The following ADGRB1 variants were observed in gnomAD, a reference collection of about 807,000 sequenced individuals.
The protein encoded by ADGRB1 is brain-specific angiogenesis inhibitor 1.
ADGRB1 carries 36 observed loss-of-function variants against 175.7 expected under a neutral mutation model. The observed-to-expected ratio is 0.20, with a 90% CI of 0.16 to 0.27. ADGRB1 has a LOEUF of 0.27. ADGRB1 is among the 10% of genes least tolerant of loss of function. The pLI is 1.00. For synonymous variants in ADGRB1, 1,054 were observed against 979.4 expected (o/e 1.08, Z -1.42); for missense variants, 1,731 against 2,255.3 (o/e 0.77, Z 4.71).
At position 142,533,352 on chromosome 8, in the gene ADGRB1, G is replaced by A. The variant is rs571932414; in HGVS notation, c.3456G>A (p.Ser1152=). ...VLPLLALTWM[S]AVLAVTDRRS... is the part of the protein sequence containing the mutation. Reference sequence around the variant, plus strand: ...CGCTGCTGGCGCTGACCTGGATGTCGGCTGTGCTCGCCGTCACCGACCGCC... The same window carrying A: ...CGCTGCTGGCGCTGACCTGGATGTCAGCTGTGCTCGCCGTCACCGACCGCC... Residue 1152 remains serine, a synonymous_variant, in exon 25 of 31, where the codon TCG becomes TCA. Coordinates refer to ENST00000517894, the MANE Select transcript of ADGRB1 (RefSeq NM_001702.3). 1.6e-5 allele frequency: 25 copies of A among 1,597,098 alleles called. No individual in the cohort carries two copies. The highest frequency in any genetic ancestry group is 1.4e-4 in the East Asian group (6 of 44,306).
chr8:142,491,226 G>T (rs921492180), intron 17 of ADGRB1, among the ~76,000 whole-genome samples: 4 of 152,264 alleles, frequency 2.6e-5, no homozygotes, highest in African/African-American at 9.6e-5. Context: ...AGTGGAACTG[G>T]AACTTCAGGC....
intron 2 of ADGRB1, among the ~76,000 whole-genome samples, chr8:142,465,991 C>T (rs1180549832): frequency 3.9e-5 from 6 of 152,162 alleles, no homozygotes; most frequent in East Asian, 1.9e-4. Flanking sequence ...GTGGAGGCCC[C>T]GTGGGCCTCA....
In ADGRB1 at chr8:142,510,432, CG is replaced by C. The variant is rs934207858; in HGVS notation, c.2676-498del. ...CAGCCGGCGCCCTGGGCCGCGGGGC[CG>C]GAGAGCTCCGGAGCGGACCCTCGCC... On this transcript the variant is annotated intron_variant, in intron 17 of 30. Transcript: ENST00000517894. The surrounding 1 kb of genome is among the most constrained non-coding windows in gnomAD (Gnocchi z 6.3). 8.6e-5 allele frequency among the ~76,000 whole-genome samples: 13 copies of C among 151,804 alleles called. No homozygotes were observed. Among genetic ancestry groups the C allele is most frequent in the Admixed American group, 8.5e-4 (13 of 15,274 alleles).
chr8:142,509,831 C>T (rs1303648293), intron 17 of ADGRB1, among the ~76,000 whole-genome samples: 5 of 152,214 alleles, frequency 3.3e-5, no homozygotes, highest in African/African-American at 1.2e-4. Flanking sequence ...TCTTGGGGCT[C>T]ATCTTTTCAG....
At position 142,533,873 on chromosome 8, in the gene ADGRB1, A is replaced by G. The variant is rs542969294; in HGVS notation, c.3570+407A>G. Among the ~76,000 whole-genome samples the G allele has an allele frequency of 1.0e-3, 157 of 152,320 alleles. 1 individual carries two copies. Among genetic ancestry groups the G allele is most frequent in the African/African-American group, 3.6e-3 (149 of 41,566 alleles). On this transcript the variant is annotated intron_variant, in intron 25 of 30. Transcript: ENST00000517894. ...AGGTGTCACTAGAAGGTTTTCACCA[A>G]ACTACATCCCAACTACCGCCTGGCT...
At chr8:142,505,374 G>A (rs1044984801) in intron 17 of ADGRB1, among the ~76,000 whole-genome samples, 2 of 152,230 alleles carry the variant, frequency 1.3e-5, no homozygotes, top group African/African-American at 2.4e-5. Flanking sequence ...CAGTGGAGGT[G>A]CCTGTGGGGG....
Position 142,481,660 on chromosome 8 carries a change from G to T in ADGRB1, c.2079G>T (p.Met693Ile), listed in dbSNP as rs1194882346. 3.7e-6 allele frequency: 6 copies of T among 1,606,540 alleles called. No homozygotes were observed. In the East Asian group the frequency reaches 6.7e-5, roughly 18 times the overall value. The change falls in exon 11 of 31, where the codon ATG (methionine) becomes ATT (isoleucine). Residue 693 changes from methionine (M) to isoleucine (I), a missense_variant. By Grantham distance (10) the Met-to-Ile change is conservative. Coordinates refer to ENST00000517894, the MANE Select transcript of ADGRB1 (RefSeq NM_001702.3). ...LLSTIDVLRN[M>I]TEIFRRAYYS... The stretch of plus-strand genomic sequence containing the variant: ...CCACCATCGATGTCCTGAGGAACAT[G>T]ACAGAGATTTTCCGGAGAGCGTACT...
At chr8:142,491,818 G>A (rs772748097) in intron 17 of ADGRB1, among the ~76,000 whole-genome samples, 7 of 152,320 alleles carry the variant, frequency 4.6e-5, no homozygotes, top group South Asian at 4.1e-4. Flanking sequence ...GGTCCCTTGC[G>A]TGGTGGGTAG....
chr8:142,479,276 C>A (rs772750820), intron 7 of ADGRB1, 47 bp from the exon 8 acceptor site: 12 of 1,445,210 alleles, frequency 8.3e-6, no homozygotes, highest in Non-Finnish European at 1.1e-5. Flanking sequence ...GCTCCTGGAC[C>A]CTGCCCTTCT....
chr8:142,537,018 A>G lies in ADGRB1; in HGVS notation c.3602A>G (p.Asp1201Gly). 6 of 1,592,492 alleles carry G rather than the reference A, an allele frequency of 3.8e-6. No individual in the cohort carries two copies. The highest frequency in any genetic ancestry group is 5.1e-6 in the Non-Finnish European group (6 of 1,169,910). The change falls in exon 26 of 31, where the codon GAC becomes GGC. Residue 1201 changes from aspartate to glycine, a missense_variant. Physicochemically the swap from Asp to Gly is moderately conservative, Grantham distance 94 (BLOSUM62 -1). Around this residue, in one of 8 missense-constraint regions of ADGRB1, gnomAD observed 301 missense variants for 488.4 expected, o/e 0.62. Coordinates refer to ENST00000517894, the MANE Select transcript of ADGRB1 (RefSeq NM_001702.3). The surrounding 1 kb of genome is among the most constrained non-coding windows in gnomAD (Gnocchi z 4.6). ...VQDAVKCRVV[D>G]RQEEGNGDSG... Reference sequence around the variant, plus strand: ...GACGCTGTGAAATGCCGTGTGGTTGACCGGCAGGAGGAGGGCAACGGGGAC... The same window carrying G: ...GACGCTGTGAAATGCCGTGTGGTTGGCCGGCAGGAGGAGGGCAACGGGGAC...
Position 142,464,522 on chromosome 8 carries a change from C to T in ADGRB1, c.324C>T (p.Leu108=), listed in dbSNP as rs774061860. Residue 108 remains leucine (L), a synonymous_variant, in exon 2 of 31, where the codon CTC becomes CTT. Transcript: ENST00000517894. The part of the protein sequence containing the change: ...RVRTYQFDSF[L]ESTRTYLGVE... Reference sequence around the variant, plus strand: ...GCACCTACCAGTTCGACTCCTTCCTCGAGTCCACGCGCACCTACCTGGGCG... The same window carrying T: ...GCACCTACCAGTTCGACTCCTTCCTTGAGTCCACGCGCACCTACCTGGGCG... 9 of 1,574,376 alleles carry T rather than the reference C, an allele frequency of 5.7e-6. No homozygotes were observed. The African/African-American group carries it at 6.8e-5, about 12-fold the overall frequency.
At chr8:142,521,351 G>A (rs879630725) in intron 20 of ADGRB1, among the ~76,000 whole-genome samples, 4 of 152,128 alleles carry the variant, frequency 2.6e-5, no homozygotes, top group Admixed American at 2.6e-4. Flanking sequence ...GCTCATGGAG[G>A]GCCCCTGCCT....
At chr8:142,496,045 G>T (rs1455910388) in intron 17 of ADGRB1, among the ~76,000 whole-genome samples, 1 of 151,778 alleles carries the variant, frequency 6.6e-6, no homozygotes, top group African/African-American at 2.4e-5. Context: ...TGGATAGGTG[G>T]GTGTGTGAAT....
chr8:142,470,578 G>C (rs1000906076), intron 2 of ADGRB1, among the ~76,000 whole-genome samples: 1 of 152,042 alleles, frequency 6.6e-6, no homozygotes, highest in Non-Finnish European at 1.5e-5. Context: ...TGTGTGGTCT[G>C]TGTGCCTGTG....
chr8:142,478,092 GGGT>G, intron 6 of ADGRB1, 92 bp from the exon 7 acceptor site: 1 of 1,493,842 alleles, frequency 6.7e-7, no homozygotes, highest in Non-Finnish European at 9.1e-7. Context: ...GCTGGGTGTG[GGGT>G]GGTAGCACCC....
chr8:142,494,207 G>C (rs1842110757), intron 17 of ADGRB1, among the ~76,000 whole-genome samples: 1 of 152,122 alleles, frequency 6.6e-6, no homozygotes, highest in Non-Finnish European at 1.5e-5. Context: ...CCCAAACTCA[G>C]ACTGAGTTTT....
At chr8:142,528,120 C>T (rs1051408433) in intron 24 of ADGRB1, among the ~76,000 whole-genome samples, 8 of 152,220 alleles carry the variant, frequency 5.3e-5, no homozygotes, top group East Asian at 1.9e-4. Context: ...TATGTGTGCA[C>T]GCACACCCAC....
intron 18 of ADGRB1, among the ~76,000 whole-genome samples, chr8:142,516,316 G>A (rs1260984488): frequency 7.5e-5 from 11 of 145,860 alleles, no homozygotes; most frequent in Non-Finnish European, 1.5e-4. Context: ...GCGTGTGTGC[G>A]GGCCCCAGGT....
Position 142,464,967 on chromosome 8 carries a change from G to T in ADGRB1, c.769G>T (p.Gly257Trp), listed in dbSNP as rs1418919301. The change falls in exon 2 of 31, where the codon GGG (glycine) becomes TGG (tryptophan). Residue 257 changes from glycine to tryptophan, a missense_variant. Gly to Trp is a radical substitution (Grantham distance 184). This residue lies in a region of ADGRB1 where 383 missense variants were observed against 383.1 expected (regional missense o/e 1.00). Coordinates refer to ENST00000517894, the MANE Select transcript of ADGRB1 (RefSeq NM_001702.3). ...CLTSLTQDRGGHGATGGWKLW... is the reference protein window; with the variant it reads ...CLTSLTQDRGWHGATGGWKLW... ...CACCAGCCTGACCCAGGACCGGGGC[G>T]GGCACGGCGCCACAGGTGAGTGACT... is the stretch of plus-strand genomic sequence containing the variant. 1 of 1,517,000 alleles carries T rather than the reference G, an allele frequency of 6.6e-7. No homozygotes were observed. The highest frequency in any genetic ancestry group is 8.8e-7 in the Non-Finnish European group (1 of 1,138,286). 94.0% of individuals were successfully genotyped at this position (1,517,000 alleles called of 1,614,324 possible).
Sources: allele counts gnomAD v4.1 joint callset (sites outside exome capture counted in the v4.1 genomes callset), GRCh38; gene constraint gnomAD v4.1.1; regional missense constraint gnomAD v4.1.1; non-coding constraint Gnocchi (gnomAD v3.1); transcripts MANE v1.5; gene names NCBI Gene and HGNC (gene_info 2026-07-23, HGNC 2026-07-21).